KAT6B: variants seen among roughly 807,000 people sequenced by gnomAD.
KAT6B encodes the protein lysine acetyltransferase 6B.
KAT6B carries 10 observed loss-of-function variants against 187.5 expected under a neutral mutation model. That is an observed-to-expected ratio of 0.05 (90% confidence interval 0.03 to 0.09). KAT6B has a LOEUF of 0.09. Among genes scored for constraint, KAT6B ranks in the 10% least tolerant of loss-of-function variants. The pLI is 1.00. For synonymous variants in KAT6B, 861 were observed against 926.8 expected, an observed-to-expected ratio of 0.93 and a Z score of 1.29; for missense variants, 1,952 against 2,558.9, an observed-to-expected ratio of 0.76 and a Z score of 5.12.
At chr10:74,891,900 A>G (rs964970940) in intron 3 of KAT6B, among the ~76,000 whole-genome samples, 1 of 152,222 alleles carries the variant, frequency 6.6e-6, no homozygotes, top group African/African-American at 2.4e-5. Context: ...GCTGTCCACT[A>G]TAGGTTGCCC....
At chr10:74,858,029 A>T (rs11001185) in intron 3 of KAT6B, among the ~76,000 whole-genome samples, 6,607 of 145,690 alleles carry the variant, frequency 0.045, 215 homozygotes, top group East Asian at 0.13. Context: ...TTTCTTAATT[A>T]AAAAAAAAAA....
intron 3 of KAT6B, among the ~76,000 whole-genome samples, chr10:74,867,807 A>G (rs1843660819): frequency 6.6e-6 from 1 of 152,224 alleles, no homozygotes; most frequent in African/African-American, 2.4e-5. Context: ...TTTGAAGTAC[A>G]CAAAAACTAT....
chr10:75,027,769 T>G (rs1443701381), intron 17 of KAT6B, among the ~76,000 whole-genome samples: 1 of 152,170 alleles, frequency 6.6e-6, no homozygotes, highest in Non-Finnish European at 1.5e-5. Flanking sequence ...AACATATTGA[T>G]CCAGAATTCA....
intron 13 of KAT6B, among the ~76,000 whole-genome samples, chr10:75,016,733 G>T (rs1844995273): frequency 6.6e-6 from 1 of 152,266 alleles, no homozygotes; most frequent in South Asian, 2.1e-4. Flanking sequence ...GAGAGCTGAG[G>T]TTTTCTGATT....
At chr10:74,957,410 A>G (rs1421693619) in intron 3 of KAT6B, among the ~76,000 whole-genome samples, 3 of 152,242 alleles carry the variant, frequency 2.0e-5, no homozygotes, top group Admixed American at 1.3e-4. Flanking sequence ...GATAACATCT[A>G]TGCTTTCTAT....
At chr10:75,023,203 T>C (rs1412510177) in intron 16 of KAT6B, among the ~76,000 whole-genome samples, 1 of 152,218 alleles carries the variant, frequency 6.6e-6, no homozygotes, top group Non-Finnish European at 1.5e-5. Context: ...TCAGTATCTA[T>C]CTGGGACATA....
chr10:74,895,562 C>T (rs942914938), intron 3 of KAT6B, among the ~76,000 whole-genome samples: 1 of 151,948 alleles, frequency 6.6e-6, no homozygotes, highest in African/African-American at 2.4e-5. Context: ...TTTTTTGAGG[C>T]AGAGTCTTTC....
chr10:74,861,831 T>A (rs1367516242), intron 3 of KAT6B, among the ~76,000 whole-genome samples: 1 of 152,216 alleles, frequency 6.6e-6, no homozygotes, highest in Non-Finnish European at 1.5e-5. Context: ...TCCCAAATGA[T>A]GTTCTGAGGA....
chr10:74,897,187 T>G (rs1846051488), intron 3 of KAT6B, among the ~76,000 whole-genome samples: 1 of 152,162 alleles, frequency 6.6e-6, no homozygotes, highest in Non-Finnish European at 1.5e-5. Flanking sequence ...GCCCTTTTTG[T>G]AAGTATTTGA....
intron 10 of KAT6B, among the ~76,000 whole-genome samples, chr10:74,981,256 GGTT>G (rs1842485927): frequency 6.6e-6 from 1 of 151,852 alleles, no homozygotes; most frequent in Non-Finnish European, 1.5e-5. Flanking sequence ...AATAATGTAT[GGTT>G]GTTTTTACAT....
intron 3 of KAT6B, among the ~76,000 whole-genome samples, chr10:74,872,948 T>A (rs1024703496): frequency 5.3e-5 from 8 of 152,180 alleles, no homozygotes; most frequent in Admixed American, 5.2e-4. Flanking sequence ...TAGATGATAC[T>A]CTTATATCAA....
intron 3 of KAT6B, among the ~76,000 whole-genome samples, chr10:74,880,304 CAT>C (rs1292114508): frequency 6.6e-6 from 1 of 152,214 alleles, no homozygotes; most frequent in Non-Finnish European, 1.5e-5. Context: ...TTAGACATGT[CAT>C]ATAAATGGAA....
chr10:75,021,429 G>C lies in KAT6B; in HGVS notation c.3021+144G>C, dbSNP rs886482130. On this transcript the variant is annotated intron_variant, in intron 15 of 17. Coordinates refer to ENST00000287239, the MANE Select transcript of KAT6B (RefSeq NM_012330.4). ...GATATGGCACTAATTTATCCTAACTGAGGTTGCATGGTAAGACATGATAAT... is the reference window on the plus strand; with the variant it reads ...GATATGGCACTAATTTATCCTAACTCAGGTTGCATGGTAAGACATGATAAT... 5.4e-6 allele frequency: 4 copies of C among 740,468 alleles called. 1 individual carries two copies. The highest frequency in any genetic ancestry group is 6.5e-4 in the Middle Eastern group (2 of 3,086). 45.9% of individuals were successfully genotyped at this position (740,468 alleles called of 1,614,324 possible).
intron 3 of KAT6B, among the ~76,000 whole-genome samples, chr10:74,912,780 G>T (rs1294809352): frequency 6.6e-6 from 1 of 152,096 alleles, no homozygotes; most frequent in African/African-American, 2.4e-5. Context: ...TCGTGGCATT[G>T]CCTAACTATA....
At chr10:75,006,636 C>T (rs1844219857) in intron 13 of KAT6B, among the ~76,000 whole-genome samples, 1 of 152,012 alleles carries the variant, frequency 6.6e-6, no homozygotes, top group Non-Finnish European at 1.5e-5. Flanking sequence ...TTTCTGTAGT[C>T]TCTTTATGTT....
intron 2 of KAT6B, among the ~76,000 whole-genome samples, chr10:74,839,123 A>G: frequency 6.6e-6 from 1 of 151,734 alleles, no homozygotes; most frequent in Non-Finnish European, 1.5e-5. Context: ...ATTGCACTCC[A>G]GCCTGGGCGA....
chr10:74,854,299 A>G (rs1842677952), intron 3 of KAT6B, among the ~76,000 whole-genome samples: 1 of 152,198 alleles, frequency 6.6e-6, no homozygotes, highest in Admixed American at 6.5e-5. Flanking sequence ...TACATGTAAG[A>G]GAAGGAGTTG....
chr10:74,988,256 G>A (rs1842934404), intron 12 of KAT6B, among the ~76,000 whole-genome samples: 1 of 152,090 alleles, frequency 6.6e-6, no homozygotes, highest in Admixed American at 6.5e-5. Context: ...TTTGTACTCT[G>A]AATAAAAAAA....
chr10:74,892,729 G>A (rs541785729), intron 3 of KAT6B, among the ~76,000 whole-genome samples: 2 of 152,270 alleles, frequency 1.3e-5, no homozygotes, highest in South Asian at 4.1e-4. Context: ...CAAGAGGGTA[G>A]ATTGACATCT....
Sources: gnomAD v4.1 joint callset for allele counts (sites outside exome capture counted in the v4.1 genomes callset) on GRCh38, gnomAD v4.1.1 for gene constraint, MANE v1.5 for transcripts, NCBI Gene and HGNC (gene_info 2026-07-23, HGNC 2026-07-21) for gene names.